Variants in RSU1 observed in about 807,000 individuals in gnomAD.
The protein encoded by RSU1 is Ras suppressor protein 1, also known as rsu-1.
A neutral mutation model predicts 31.1 loss-of-function variants in RSU1; 26 were observed. That is an observed-to-expected ratio of 0.84 (90% CI 0.61 to 1.16). The LOEUF (loss-of-function observed/expected upper bound fraction) is 1.16, where lower values mean the gene tolerates loss of function less well. Among genes scored for constraint, RSU1 ranks in the 50% most tolerant of loss-of-function variants. The pLI is 0.00. For synonymous variants in RSU1, 164 were observed against 136.3 expected, an observed-to-expected ratio of 1.20 and a Z score of -1.41; for missense variants, 320 against 339.1, an observed-to-expected ratio of 0.94 and a Z score of 0.44.
intron 8 of RSU1, among the ~76,000 whole-genome samples, chr10:16,693,516 G>A (rs891334624): frequency 6.6e-6 from 1 of 151,868 alleles, no homozygotes; most frequent in Non-Finnish European, 1.5e-5. Context: ...AACTAAATGT[G>A]ACCTTTAGCA....
intron 3 of RSU1, among the ~76,000 whole-genome samples, chr10:16,774,130 G>A (rs1837480914): frequency 6.6e-6 from 1 of 151,530 alleles, no homozygotes. Flanking sequence ...ATGCCCATAT[G>A]CCCACACACG....
At chr10:16,679,068 C>T (rs1029414941) in intron 8 of RSU1, among the ~76,000 whole-genome samples, 2 of 152,136 alleles carry the variant, frequency 1.3e-5, no homozygotes, top group African/African-American at 4.8e-5. Context: ...ATAGGGAAGT[C>T]ATAATCTAAG....
chr10:16,763,191 C>T (rs927574383), intron 4 of RSU1, among the ~76,000 whole-genome samples: 8 of 152,052 alleles, frequency 5.3e-5, no homozygotes, highest in African/African-American at 1.4e-4. Flanking sequence ...ATTCTGATGC[C>T]GCAGTTCCGG....
Position 16,656,904 on chromosome 10 carries a change from A to G in RSU1, c.731+38119T>C, listed in dbSNP as rs111773030. Among the ~76,000 whole-genome samples the G allele has an allele frequency of 6.5e-3, 990 of 152,334 alleles. 8 individuals carry two copies. Among genetic ancestry groups the G allele is most frequent in the African/African-American group, 0.022 (911 of 41,586 alleles). The stretch of plus-strand genomic sequence containing the variant: ...GTAATGAGCAGGAACAAAATGAGAG[A>G]CAGTTTGGTAGCTGTCAGTGTTTTC... On this transcript the variant is annotated intron_variant, in intron 8 of 8. Transcript: ENST00000345264.
intron 2 of RSU1, 60 bp from the exon 3 acceptor site, chr10:16,782,144 T>C: frequency 1.5e-6 from 2 of 1,350,224 alleles, no homozygotes; most frequent in Non-Finnish European, 2.1e-6. Context: ...ATCCGGATTC[T>C]ACCTGTACTC....
intron 8 of RSU1, among the ~76,000 whole-genome samples, chr10:16,631,256 G>A (rs1462687488): frequency 6.6e-6 from 1 of 152,198 alleles, no homozygotes; most frequent in Non-Finnish European, 1.5e-5. Flanking sequence ...CAATTGGGGG[G>A]ACGGTTCCGA....
At chr10:16,728,023 T>A (rs1489491628) in intron 7 of RSU1, among the ~76,000 whole-genome samples, 2 of 152,208 alleles carry the variant, frequency 1.3e-5, no homozygotes, top group African/African-American at 4.8e-5. Context: ...CACTTAGGGC[T>A]CCCTGTCTTC....
chr10:16,783,458 C>T (rs192564716), intron 2 of RSU1, among the ~76,000 whole-genome samples: 389 of 149,918 alleles, frequency 2.6e-3, no homozygotes, highest in Non-Finnish European at 4.3e-3. Context: ...CAAGTTCAAG[C>T]GATTCTCCTG....
intron 8 of RSU1, among the ~76,000 whole-genome samples, chr10:16,668,636 G>C (rs1450578850): frequency 6.6e-6 from 1 of 151,922 alleles, no homozygotes; most frequent in Non-Finnish European, 1.5e-5. Flanking sequence ...GCTTTCCCTG[G>C]TTCTCAGTGC....
intron 7 of RSU1, among the ~76,000 whole-genome samples, chr10:16,697,563 C>G (rs1002119236): frequency 6.6e-6 from 1 of 151,784 alleles, no homozygotes. Context: ...TCTTGGGAGG[C>G]TGAGGCAGGA....
chr10:16,637,108 T>C (rs1365018343), intron 8 of RSU1, among the ~76,000 whole-genome samples: 1 of 152,236 alleles, frequency 6.6e-6, no homozygotes, highest in Non-Finnish European at 1.5e-5. Flanking sequence ...ACCACATTAT[T>C]AACAAATTAG....
At chr10:16,805,593 G>C (rs986957884) in intron 2 of RSU1, among the ~76,000 whole-genome samples, 1 of 149,528 alleles carries the variant, frequency 6.7e-6, no homozygotes, top group Admixed American at 6.6e-5. Context: ...GGAGAATGGC[G>C]TGAACCCGGG....
chr10:16,781,944 A>T, intron 3 of RSU1, 90 bp downstream of exon 3: 1 of 1,050,126 alleles, frequency 9.5e-7, no homozygotes, highest in Non-Finnish European at 1.4e-6. Context: ...ATTCTTCATT[A>T]GTTTCTCCCA....
chr10:16,658,291 T>C (rs553867653), intron 8 of RSU1, among the ~76,000 whole-genome samples: 32 of 152,322 alleles, frequency 2.1e-4, no homozygotes, highest in African/African-American at 7.0e-4. Context: ...ACCTTGGAAA[T>C]TGGGATGAAG....
chr10:16,804,940 T>A (rs569540277), intron 2 of RSU1, among the ~76,000 whole-genome samples: 5 of 152,156 alleles, frequency 3.3e-5, no homozygotes, highest in African/African-American at 4.8e-5. Flanking sequence ...CCCATAAAAC[T>A]ATACTATATA....
chr10:16,728,530 G>A (rs776239731), intron 7 of RSU1, among the ~76,000 whole-genome samples: 5 of 152,172 alleles, frequency 3.3e-5, no homozygotes, highest in Non-Finnish European at 7.3e-5. Flanking sequence ...TTTCACAAAC[G>A]CAACGGAACT....
At chr10:16,794,408 T>TC (rs1399742953) in intron 2 of RSU1, among the ~76,000 whole-genome samples, 1 of 152,098 alleles carries the variant, frequency 6.6e-6, no homozygotes, top group Non-Finnish European at 1.5e-5. Context: ...AGGACCAGAG[T>TC]CCATTTTGTT....
chr10:16,635,071 T>A (rs1039139312), intron 8 of RSU1, among the ~76,000 whole-genome samples: 1 of 152,196 alleles, frequency 6.6e-6, no homozygotes. Context: ...CGTCCATAAA[T>A]GAATGTTCAC....
chr10:16,771,473 T>C (rs1339275547), intron 3 of RSU1, among the ~76,000 whole-genome samples: 2 of 152,212 alleles, frequency 1.3e-5, no homozygotes, highest in Non-Finnish European at 1.5e-5. Context: ...AGAGGTGGTG[T>C]CTAGACTAAT....
Sources: allele counts gnomAD v4.1 joint callset (sites outside exome capture counted in the v4.1 genomes callset), GRCh38; gene constraint gnomAD v4.1.1; transcripts MANE v1.5; gene names NCBI Gene and HGNC (gene_info 2026-07-23, HGNC 2026-07-21).